The following GPC5 variants were observed in gnomAD, a reference collection of about 807,000 sequenced individuals.
GPC5 encodes the protein glypican-5.
A neutral mutation model predicts 53.9 loss-of-function variants in GPC5; 47 were observed. That is an observed-to-expected ratio of 0.87 (90% CI 0.69 to 1.11). The LOEUF (loss-of-function observed/expected upper bound fraction) is 1.11. GPC5 is among the 50% of genes most tolerant of loss of function. The pLI is 0.00. For missense variants in GPC5, 748 were observed against 713.1 expected (o/e 1.05, Z -0.56); for synonymous variants, 286 against 263.3 (o/e 1.09, Z -0.84).
At chr13:91,606,536 G>T (rs1320509092) in intron 2 of GPC5, among the ~76,000 whole-genome samples, 5 of 149,114 alleles carry the variant, frequency 3.4e-5, no homozygotes, top group Non-Finnish European at 7.5e-5. Context: ...AATGGTACCA[G>T]TTCCTCCTTG....
intron 5 of GPC5, among the ~76,000 whole-genome samples, chr13:91,770,172 A>G (rs1321890492): frequency 6.6e-6 from 1 of 152,176 alleles, no homozygotes; most frequent in Non-Finnish European, 1.5e-5. Flanking sequence ...GCCAAAGGGA[A>G]TAAATACACT....
At chr13:91,520,493 C>A (rs1019021920) in intron 2 of GPC5, among the ~76,000 whole-genome samples, 1 of 152,152 alleles carries the variant, frequency 6.6e-6, no homozygotes, top group Non-Finnish European at 1.5e-5. Flanking sequence ...TGAGGTTCAA[C>A]AAGGAAGAAG....
At position 92,386,841 on chromosome 13, in the gene GPC5, C is replaced by G. The variant is rs1874751095; in HGVS notation, c.1561+241852C>G. On this transcript the variant is annotated intron_variant, in intron 7 of 7. Coordinates refer to ENST00000377067, the MANE Select transcript of GPC5 (RefSeq NM_004466.6). ...AAACTTACTATATTTTAAAAATACT[C>G]TCTGCTATAGCCATCTAATTATTTA... 1.3e-5 allele frequency among the ~76,000 whole-genome samples: 2 copies of G among 152,066 alleles called. 1 individual carries two copies. The highest frequency in any genetic ancestry group is 4.1e-4 in the South Asian group (2 of 4,834).
At chr13:91,678,993 C>T (rs1300137385) in intron 2 of GPC5, among the ~76,000 whole-genome samples, 2 of 151,910 alleles carry the variant, frequency 1.3e-5, no homozygotes, top group African/African-American at 4.8e-5. Context: ...CTGGGGTAAA[C>T]ATTGTATTTT....
chr13:91,474,336 AG>A, intron 2 of GPC5, among the ~76,000 whole-genome samples: 1 of 152,298 alleles, frequency 6.6e-6, no homozygotes, highest in East Asian at 1.9e-4. Context: ...TTGTCTTTAG[AG>A]GATATTAGCT....
chr13:91,462,709 G>T (rs907842880), intron 2 of GPC5, among the ~76,000 whole-genome samples: 1 of 151,864 alleles, frequency 6.6e-6, no homozygotes, highest in Non-Finnish European at 1.5e-5. Context: ...TACTTAGGAC[G>T]GGTGGGTCAA....
At chr13:91,435,113 T>C (rs984658047) in intron 1 of GPC5, among the ~76,000 whole-genome samples, 1 of 152,206 alleles carries the variant, frequency 6.6e-6, no homozygotes, top group Non-Finnish European at 1.5e-5. Context: ...TTTCTAGATA[T>C]ACAATCATGT....
chr13:92,244,469 A>G (rs2042635871), intron 7 of GPC5, among the ~76,000 whole-genome samples: 1 of 152,168 alleles, frequency 6.6e-6, no homozygotes. Flanking sequence ...TCTACATTGT[A>G]TTAGAACCCA....
intron 1 of GPC5, among the ~76,000 whole-genome samples, chr13:91,423,587 T>A (rs545590559): frequency 2.0e-5 from 3 of 151,528 alleles, no homozygotes; most frequent in Admixed American, 2.0e-4. Flanking sequence ...GGGTGTGGGG[T>A]GTGAATGTGG....
intron 4 of GPC5, among the ~76,000 whole-genome samples, chr13:91,729,907 A>G (rs2036658266): frequency 6.6e-6 from 1 of 152,214 alleles, no homozygotes; most frequent in African/African-American, 2.4e-5. Flanking sequence ...AAACCAATGC[A>G]GGTGAAATGT....
At chr13:91,664,717 T>G (rs538098103) in intron 2 of GPC5, among the ~76,000 whole-genome samples, 2 of 152,370 alleles carry the variant, frequency 1.3e-5, no homozygotes, top group African/African-American at 2.4e-5. Flanking sequence ...TGCTTACAGT[T>G]TATGATACCA....
At chr13:92,771,022 T>G (rs554567993) in intron 7 of GPC5, among the ~76,000 whole-genome samples, 1 of 152,066 alleles carries the variant, frequency 6.6e-6, no homozygotes, top group Non-Finnish European at 1.5e-5. Flanking sequence ...TGGGTGGTGG[T>G]AAAAGTCCTG....
Position 92,620,252 on chromosome 13 carries a change from A to G in GPC5, c.1562-246030A>G, listed in dbSNP as rs1884828208. On this transcript the variant is annotated intron_variant, in intron 7 of 7. Coordinates refer to ENST00000377067, the MANE Select transcript of GPC5 (RefSeq NM_004466.6). ...AACTCAAGAAAAAACTTTCAGAAAA[A>G]TATCTAATACAAAGAAAAGAATAAA... is the stretch of plus-strand genomic sequence containing the variant. 3.3e-5 allele frequency among the ~76,000 whole-genome samples: 5 copies of G among 152,284 alleles called. No individual in the cohort carries two copies. In the South Asian group the frequency reaches 1.0e-3, roughly 32 times the overall value.
chr13:91,766,655 G>T (rs2037530617), intron 5 of GPC5, among the ~76,000 whole-genome samples: 1 of 152,172 alleles, frequency 6.6e-6, no homozygotes, highest in South Asian at 2.1e-4. Flanking sequence ...GAGGTCAGGA[G>T]TTCGAGACCA....
At chr13:91,528,637 A>G (rs1886195805) in intron 2 of GPC5, among the ~76,000 whole-genome samples, 1 of 152,178 alleles carries the variant, frequency 6.6e-6, no homozygotes, top group African/African-American at 2.4e-5. Flanking sequence ...TTATCTTTAT[A>G]GCAGTGCCTC....
intron 7 of GPC5, among the ~76,000 whole-genome samples, chr13:92,410,140 G>A (rs547711974): frequency 6.6e-6 from 1 of 152,116 alleles, no homozygotes; most frequent in South Asian, 2.1e-4. Context: ...ATGCTCAGAC[G>A]AAAATAAGCA....
chr13:92,204,408 T>C (rs972467203), intron 7 of GPC5, among the ~76,000 whole-genome samples: 2 of 152,168 alleles, frequency 1.3e-5, no homozygotes, highest in African/African-American at 4.8e-5. Flanking sequence ...AAATATTGAT[T>C]AATGTTTGCC....
intron 7 of GPC5, among the ~76,000 whole-genome samples, chr13:92,646,929 C>CTTGT (rs372426651): frequency 7.4e-6 from 1 of 135,096 alleles, no homozygotes; most frequent in Non-Finnish European, 1.6e-5. Context: ...TATATATAAA[C>CTTGT]ATGTGTGTGT....
At chr13:92,456,379 C>G (rs1265711922) in intron 7 of GPC5, among the ~76,000 whole-genome samples, 2 of 152,120 alleles carry the variant, frequency 1.3e-5, no homozygotes, top group Non-Finnish European at 2.9e-5. Context: ...ATCTCTTCCC[C>G]CAAACTTGAA....
Sources: allele counts gnomAD v4.1 joint callset (sites outside exome capture counted in the v4.1 genomes callset), GRCh38; gene constraint gnomAD v4.1.1; transcripts MANE v1.5; gene names NCBI Gene and HGNC (gene_info 2026-07-23, HGNC 2026-07-21).